The following CCDC148 variants were observed in gnomAD, a reference collection of about 807,000 sequenced individuals.
The protein encoded by CCDC148 is coiled-coil domain-containing protein 148.
A neutral mutation model predicts 85.7 loss-of-function variants in CCDC148; 89 were observed. The ratio of observed to expected loss-of-function variants is 1.04; its 90% CI spans 0.87 to 1.24. CCDC148 has a LOEUF of 1.24. CCDC148 is among the 50% of genes most tolerant of loss of function. The pLI, the probability that CCDC148 is intolerant of heterozygous loss-of-function variation, is 0.00. For missense variants in CCDC148, 692 were observed against 671.7 expected (o/e 1.03, Z -0.33); for synonymous variants, 230 against 213.9 (o/e 1.08, Z -0.66).
At chr2:158,381,870 A>G (rs1684882668) in intron 1 of CCDC148, among the ~76,000 whole-genome samples, 1 of 152,158 alleles carries the variant, frequency 6.6e-6, no homozygotes, top group African/African-American at 2.4e-5. Flanking sequence ...ACAAACAAAA[A>G]GAAACTACTC....
chr2:158,259,057 C>T (rs1240169949), intron 9 of CCDC148, among the ~76,000 whole-genome samples: 3 of 151,796 alleles, frequency 2.0e-5, no homozygotes, highest in Non-Finnish European at 4.4e-5. Flanking sequence ...GGCCACATGC[C>T]TTCCAGCTAT....
chr2:158,240,452 T>TCACA (rs4028276), intron 10 of CCDC148, among the ~76,000 whole-genome samples: 1,301 of 120,454 alleles, frequency 0.011, 17 homozygotes, highest in African/African-American at 0.034. Flanking sequence ...TCTCTCTCTC[T>TCACA]CACACACACA....
At chr2:158,449,666 C>T (rs1559153124) in intron 1 of CCDC148, among the ~76,000 whole-genome samples, 1 of 152,154 alleles carries the variant, frequency 6.6e-6, no homozygotes, top group Non-Finnish European at 1.5e-5. Context: ...CCAGGCTGGT[C>T]TTGAACTCCT....
chr2:158,264,265 T>A (rs567245401), intron 9 of CCDC148, among the ~76,000 whole-genome samples: 1 of 152,084 alleles, frequency 6.6e-6, no homozygotes, highest in African/African-American at 2.4e-5. Context: ...TTTCTAGATA[T>A]AGCACAGAAT....
chr2:158,200,961 T>C (rs1379506442), intron 11 of CCDC148, among the ~76,000 whole-genome samples: 1 of 152,116 alleles, frequency 6.6e-6, no homozygotes, highest in Non-Finnish European at 1.5e-5. Flanking sequence ...TAGCCTAAAC[T>C]CACCCCATAA....
intron 9 of CCDC148, among the ~76,000 whole-genome samples, chr2:158,252,918 A>C (rs930224901): frequency 1.3e-5 from 2 of 151,766 alleles, no homozygotes; most frequent in East Asian, 3.9e-4. Flanking sequence ...AATTAAATTC[A>C]ACATCTTTAA....
intron 1 of CCDC148, among the ~76,000 whole-genome samples, chr2:158,436,257 C>T (rs1196119372): frequency 6.6e-6 from 1 of 152,128 alleles, no homozygotes; most frequent in East Asian, 1.9e-4. Flanking sequence ...CGTCAAAGAA[C>T]AGAAATTATA....
chr2:158,366,599 C>T (rs1028366669), intron 1 of CCDC148, among the ~76,000 whole-genome samples: 2 of 152,232 alleles, frequency 1.3e-5, no homozygotes, highest in East Asian at 1.9e-4. Flanking sequence ...ATATGCTTTC[C>T]GGGGCAGCCC....
chr2:158,223,695 T>C (rs1253739195), intron 10 of CCDC148, among the ~76,000 whole-genome samples: 2 of 152,180 alleles, frequency 1.3e-5, no homozygotes, highest in Non-Finnish European at 2.9e-5. Context: ...CGTCTGCTGA[T>C]ACCCAGGCAA....
intron 1 of CCDC148, among the ~76,000 whole-genome samples, chr2:158,388,936 G>A (rs1029316732): frequency 2.0e-5 from 3 of 152,192 alleles, no homozygotes; most frequent in Non-Finnish European, 4.4e-5. Flanking sequence ...TTGTTACAAA[G>A]GTAGTTGCAG....
chr2:158,220,725 A>G lies in CCDC148; in HGVS notation c.1252-12T>C. On this transcript the variant is annotated splice_polypyrimidine_tract_variant and intron_variant, in intron 10 of 13. Coordinates refer to ENST00000283233, the MANE Select transcript of CCDC148 (RefSeq NM_138803.4). ...CAGTATTTTTTTATCTATTGTATAA[A>G]TGTTACATAAAATTTAAATTAACAA... is the stretch of plus-strand genomic sequence containing the variant. 1 of 1,537,494 alleles carries G rather than the reference A, an allele frequency of 6.5e-7. No individual in the cohort carries two copies. The highest frequency in any genetic ancestry group is 1.2e-5 in the South Asian group (1 of 82,002).
chr2:158,230,515 G>A (rs1293562450), intron 10 of CCDC148, among the ~76,000 whole-genome samples: 1 of 152,168 alleles, frequency 6.6e-6, no homozygotes, highest in Non-Finnish European at 1.5e-5. Flanking sequence ...AGGCCAGGGA[G>A]CTGGAGCAGG....
chr2:158,443,462 C>T (rs1196636716), intron 1 of CCDC148, among the ~76,000 whole-genome samples: 3 of 143,410 alleles, frequency 2.1e-5, no homozygotes, highest in Non-Finnish European at 4.5e-5. Context: ...CATGATGGTG[C>T]CACTGCACTC....
intron 9 of CCDC148, among the ~76,000 whole-genome samples, chr2:158,279,810 A>G (rs886600990): frequency 2.6e-5 from 4 of 151,884 alleles, no homozygotes; most frequent in Non-Finnish European, 5.9e-5. Context: ...GACCAACTCC[A>G]AGACACATAA....
chr2:158,239,742 A>T (rs938749174), intron 10 of CCDC148, among the ~76,000 whole-genome samples: 7 of 152,154 alleles, frequency 4.6e-5, no homozygotes, highest in Non-Finnish European at 8.8e-5. Flanking sequence ...TTCTTCACAC[A>T]TACAATAATA....
At chr2:158,310,088 T>C (rs1691903966) in intron 8 of CCDC148, among the ~76,000 whole-genome samples, 1 of 152,230 alleles carries the variant, frequency 6.6e-6, no homozygotes, top group African/African-American at 2.4e-5. Flanking sequence ...ACAGTGTTTG[T>C]GTCTCTGGGT....
At chr2:158,443,891 A>G (rs1688050531) in intron 1 of CCDC148, among the ~76,000 whole-genome samples, 2 of 152,200 alleles carry the variant, frequency 1.3e-5, no homozygotes, top group Admixed American at 1.3e-4. Flanking sequence ...CACCAACTAT[A>G]TTAAACACAA....
intron 9 of CCDC148, among the ~76,000 whole-genome samples, chr2:158,281,895 C>T (rs577037145): frequency 1.1e-4 from 16 of 152,062 alleles, no homozygotes; most frequent in East Asian, 5.8e-4. Flanking sequence ...ACTGGCAAAC[C>T]GAATCCAGCA....
intron 1 of CCDC148, among the ~76,000 whole-genome samples, chr2:158,455,308 A>C (rs1376674375): frequency 2.0e-5 from 3 of 152,036 alleles, no homozygotes; most frequent in Non-Finnish European, 4.4e-5. Flanking sequence ...GGGAACATAC[A>C]CACGTTCACC....
Sources: allele counts gnomAD v4.1 joint callset (sites outside exome capture counted in the v4.1 genomes callset), GRCh38; gene constraint gnomAD v4.1.1; transcripts MANE v1.5; gene names NCBI Gene and HGNC (gene_info 2026-07-23, HGNC 2026-07-21).